Variants in C6 observed in about 807,000 individuals in gnomAD.
The protein encoded by C6 is complement C6, also known as complement component C6.
C6 carries 101 observed loss-of-function variants against 112.9 expected under a neutral mutation model. The observed-to-expected ratio is 0.89, with a 90% CI of 0.76 to 1.06. The LOEUF is 1.06. C6 is among the 50% of genes least tolerant of loss of function. The pLI is 0.00. For missense variants in C6, 1,202 were observed against 1,104.6 expected (o/e 1.09, Z -1.25); for synonymous variants, 431 against 384.1 (o/e 1.12, Z -1.43).
chr5:41,248,624 T>C (rs1269203480), intron 1 of C6, among the ~76,000 whole-genome samples: 1 of 152,140 alleles, frequency 6.6e-6, no homozygotes, highest in Non-Finnish European at 1.5e-5. Context: ...CACAATGAGA[T>C]ACCATCTCAC....
chr5:41,182,062 T>C (rs779337671), intron 6 of C6, among the ~76,000 whole-genome samples: 1 of 152,188 alleles, frequency 6.6e-6, no homozygotes, highest in African/African-American at 2.4e-5. Flanking sequence ...TGGGTTCCCA[T>C]TGCCTGCTAC....
chr5:41,243,618 C>T (rs1336643788), intron 1 of C6, among the ~76,000 whole-genome samples: 2 of 152,130 alleles, frequency 1.3e-5, no homozygotes, highest in Admixed American at 6.5e-5. Flanking sequence ...GTATATCCTT[C>T]GCAGAGTGTG....
intron 13 of C6, among the ~76,000 whole-genome samples, chr5:41,158,132 C>T (rs1747092550): frequency 6.6e-6 from 1 of 151,880 alleles, no homozygotes; most frequent in African/African-American, 2.4e-5. Flanking sequence ...TGTCAAAGGG[C>T]ATAGATCTGT....
At chr5:41,208,280 A>G (rs1235020785) in intron 1 of C6, among the ~76,000 whole-genome samples, 1 of 152,224 alleles carries the variant, frequency 6.6e-6, no homozygotes, top group Non-Finnish European at 1.5e-5. Context: ...AAAGATCCAA[A>G]ATTGACACCC....
intron 1 of C6, among the ~76,000 whole-genome samples, chr5:41,210,599 A>G (rs978917759): frequency 1.2e-4 from 19 of 152,210 alleles, no homozygotes; most frequent in Admixed American, 6.5e-5. Flanking sequence ...GTCTTCTCAA[A>G]AGAAGACATT....
chr5:41,184,445 A>C (rs1161921296), intron 6 of C6, among the ~76,000 whole-genome samples: 1 of 151,602 alleles, frequency 6.6e-6, no homozygotes, highest in Non-Finnish European at 1.5e-5. Context: ...AGAGTTGTTT[A>C]ACTCCAATAA....
intron 9 of C6, among the ~76,000 whole-genome samples, chr5:41,165,973 G>T (rs1747940675): frequency 6.6e-6 from 1 of 152,044 alleles, no homozygotes; most frequent in African/African-American, 2.4e-5. Context: ...CTTTCCCACT[G>T]AATCAATCCA....
chr5:41,150,545 A>T, intron 15 of C6, among the ~76,000 whole-genome samples: 1 of 152,194 alleles, frequency 6.6e-6, no homozygotes, highest in East Asian at 1.9e-4. Context: ...AAAATGAAGA[A>T]AGGTGAGGCT....
chr5:41,244,153 G>C (rs1354779136), intron 1 of C6, among the ~76,000 whole-genome samples: 2 of 152,096 alleles, frequency 1.3e-5, no homozygotes, highest in Non-Finnish European at 2.9e-5. Flanking sequence ...GAAAAATAAA[G>C]TTTTATAATA....
At chr5:41,209,903 T>C (rs978206705) in intron 1 of C6, among the ~76,000 whole-genome samples, 4 of 152,126 alleles carry the variant, frequency 2.6e-5, no homozygotes. Context: ...GAGCCTGCAT[T>C]GCCAAGACAA....
intron 1 of C6, among the ~76,000 whole-genome samples, chr5:41,239,515 A>G (rs565013875): frequency 2.6e-5 from 4 of 152,080 alleles, no homozygotes; most frequent in Non-Finnish European, 4.4e-5. Flanking sequence ...CCTACTATAC[A>G]CTATATATAG....
chr5:41,195,347 G>A (rs1453842487), intron 5 of C6, among the ~76,000 whole-genome samples: 1 of 151,980 alleles, frequency 6.6e-6, no homozygotes, highest in East Asian at 1.9e-4. Flanking sequence ...TAGTGTTTTG[G>A]CTTTCAACCC....
chr5:41,146,989 A>G (rs1423228457), intron 17 of C6, among the ~76,000 whole-genome samples: 1 of 152,284 alleles, frequency 6.6e-6, no homozygotes, highest in Admixed American at 6.5e-5. Flanking sequence ...ATAAGGAAGA[A>G]TGGAAGGTAA....
chr5:41,195,682 A>G lies in C6; in HGVS notation c.587+110T>C, dbSNP rs1348183892. On this transcript the variant is annotated intron_variant, in intron 5 of 17. Coordinates refer to ENST00000337836, the MANE Select transcript of C6 (RefSeq NM_000065.5). ...AAGTATCAGAGATAGGGCTGGTAGG[A>G]GTAGTAAGAAGTTAATGAGGAAGAT... The G allele has an allele frequency of 4.5e-6, 5 of 1,112,360 alleles. No homozygotes were observed. In the East Asian group the frequency reaches 1.2e-4, roughly 26 times the overall value. 68.9% of individuals were successfully genotyped at this position (1,112,360 alleles called of 1,614,324 possible).
intron 9 of C6, among the ~76,000 whole-genome samples, chr5:41,166,296 T>G (rs1747969082): frequency 6.6e-6 from 1 of 152,152 alleles, no homozygotes; most frequent in African/African-American, 2.4e-5. Flanking sequence ...CTTGTCAGCT[T>G]TATTTCACAA....
chr5:41,217,264 CACTT>C (rs1308091005), upstream of C6, among the ~76,000 whole-genome samples: 6 of 152,130 alleles, frequency 3.9e-5, no homozygotes, highest in Admixed American at 6.6e-5. Context: ...ATATGGAACT[CACTT>C]ACTATTGCCG....
chr5:41,187,990 A>G (rs1200380973), intron 5 of C6, among the ~76,000 whole-genome samples: 1 of 152,196 alleles, frequency 6.6e-6, no homozygotes, highest in Non-Finnish European at 1.5e-5. Context: ...AATAGCAATG[A>G]ACAATCCAAA....
Position 41,186,431 on chromosome 5 carries a change from T to C in C6, c.588-223A>G, listed in dbSNP as rs570820819. The C allele has an allele frequency of 1.2e-4, 64 of 546,600 alleles. 1 individual carries two copies. Among genetic ancestry groups the C allele is most frequent in the Non-Finnish European group, 2.0e-4 (62 of 305,574 alleles). 33.9% of individuals were successfully genotyped at this position (546,600 alleles called of 1,614,324 possible). A position where few individuals can be genotyped will look rare whatever the true frequency, so the allele number is the denominator to read the frequency against. ...TCTCTGGCTCTATTAGGTTCTCCTATTCCACTTACTTAATTGTTCTTGGCT... is the reference window on the plus strand; with the variant it reads ...TCTCTGGCTCTATTAGGTTCTCCTACTCCACTTACTTAATTGTTCTTGGCT... On this transcript the variant is annotated intron_variant, in intron 5 of 17. Transcript: ENST00000337836.
chr5:41,174,479 C>T (rs1043182342), intron 8 of C6, among the ~76,000 whole-genome samples: 1 of 152,136 alleles, frequency 6.6e-6, no homozygotes, highest in Non-Finnish European at 1.5e-5. Flanking sequence ...AAGATGACTT[C>T]CCAATAAAAG....
Sources: gnomAD v4.1 joint callset for allele counts (sites outside exome capture counted in the v4.1 genomes callset) on GRCh38, gnomAD v4.1.1 for gene constraint, MANE v1.5 for transcripts, NCBI Gene and HGNC (gene_info 2026-07-23, HGNC 2026-07-21) for gene names.